The following IQSEC1 variants were observed in gnomAD, a reference collection of about 807,000 sequenced individuals.
IQSEC1 encodes IQ motif and Sec7 domain ArfGEF 1.
Under a neutral mutation model 91.0 loss-of-function variants are expected in IQSEC1, and 31 were observed. The ratio of observed to expected loss-of-function variants is 0.34; its 90% CI spans 0.26 to 0.46. IQSEC1 has a LOEUF of 0.46. IQSEC1 is among the 20% of genes least tolerant of loss of function. The pLI is 1.00. For synonymous variants in IQSEC1, 699 were observed against 662.6 expected, an observed-to-expected ratio of 1.05 and a Z score of -0.84; for missense variants, 1,388 against 1,575.6, an observed-to-expected ratio of 0.88 and a Z score of 2.02.
intron 1 of IQSEC1, among the ~76,000 whole-genome samples, chr3:13,183,057 G>A (rs148086787): frequency 0.046 from 7,015 of 151,956 alleles, 219 homozygotes; most frequent in East Asian, 0.07. Context: ...CCAGCTACTC[G>A]GGAGGCTGAG....
intron 2 of IQSEC1, among the ~76,000 whole-genome samples, chr3:13,100,647 G>A (rs1386491402): frequency 6.7e-6 from 1 of 148,842 alleles, no homozygotes; most frequent in Non-Finnish European, 1.5e-5. Context: ...CCAAAGCACT[G>A]GTAAATCCAG....
At position 12,921,961 on chromosome 3, in the gene IQSEC1, G is replaced by A. The variant is rs1025723073; in HGVS notation, c.1853+159C>T. On this transcript the variant is annotated intron_variant, in intron 5 of 13. Transcript: ENST00000613206. ...AGGAGCCCGTCACAGTGCCTGGAAC[G>A]TAGGAGGAGCCAGTACGATCACCCC... 7.9e-5 allele frequency among the ~76,000 whole-genome samples: 12 copies of A among 152,194 alleles called. No homozygotes were observed. The South Asian group carries it at 2.1e-3, about 26-fold the overall frequency.
intron 1 of IQSEC1, among the ~76,000 whole-genome samples, chr3:13,178,780 A>G (rs1186475544): frequency 6.6e-6 from 1 of 152,268 alleles, no homozygotes; most frequent in Non-Finnish European, 1.5e-5. Flanking sequence ...CCAAGAAGGC[A>G]TAAGACATCA....
intron 1 of IQSEC1, among the ~76,000 whole-genome samples, chr3:13,277,128 A>C (rs1188694413): frequency 2.7e-5 from 4 of 150,498 alleles, no homozygotes; most frequent in South Asian, 2.1e-4. Context: ...AAAAAAAAAA[A>C]AAAAAAAAAC....
intron 3 of IQSEC1, among the ~76,000 whole-genome samples, chr3:12,930,505 G>A (rs1037955074): frequency 6.6e-6 from 1 of 152,156 alleles, no homozygotes; most frequent in African/African-American, 2.4e-5. Context: ...TTCAGGGAGA[G>A]GCACAAGAGC....
At chr3:13,254,902 G>T (rs375028211) in intron 1 of IQSEC1, among the ~76,000 whole-genome samples, 14 of 152,296 alleles carry the variant, frequency 9.2e-5, no homozygotes, top group African/African-American at 3.4e-4. Context: ...GGGCCTCCAT[G>T]CGGTCTCTGT....
rs763805410 is a variant in IQSEC1 at position 12,899,476 on chromosome 3, C to T, written c.*1507G>A. 3.9e-5 allele frequency: 62 copies of T among 1,597,776 alleles called. No homozygotes were observed. Among genetic ancestry groups the T allele is most frequent in the East Asian group, 6.8e-5 (3 of 44,126 alleles). ...GTGGGTGACTCGGGCACAGACCTGC[C>T]GCGTGCAGGTCTGGCCCTGGGGAGC... On this transcript the variant is annotated 3_prime_UTR_variant, in exon 14 of 14. Transcript: ENST00000613206.
chr3:13,209,069 C>T (rs1416296685), intron 1 of IQSEC1, among the ~76,000 whole-genome samples: 2 of 152,214 alleles, frequency 1.3e-5, no homozygotes, highest in Admixed American at 6.5e-5. Flanking sequence ...GACTGCGGTG[C>T]CACTTGTCAT....
chr3:13,207,908 CAA>C lies in IQSEC1; in HGVS notation c.273-43777_273-43776del, dbSNP rs578057783. 3.3e-5 allele frequency among the ~76,000 whole-genome samples: 5 copies of C among 152,280 alleles called. No homozygotes were observed. In the East Asian group the frequency reaches 9.6e-4, roughly 29 times the overall value. On this transcript the variant is annotated intron_variant, in intron 1 of 15. Transcript: ENST00000648114. This position sits in a 1 kb window ranked among gnomAD's most constrained non-coding sequence, Gnocchi z 4.8. ...TCTCTCCTCACTGCAACATCAGCTC[CAA>C]GAGAGAGCACAGCTTTGTCACTACA...
In IQSEC1 at chr3:12,922,992, G is replaced by A. The variant is rs1279573508; in HGVS notation, c.1731-750C>T. Reference sequence around the variant, plus strand: ...GCAGAGAGAGGCCTGGCCACACAGGGCCTGACCCCTCTCCCAGGGCCATCT... The same window carrying A: ...GCAGAGAGAGGCCTGGCCACACAGGACCTGACCCCTCTCCCAGGGCCATCT... On this transcript the variant is annotated intron_variant, in intron 4 of 13. Coordinates refer to ENST00000613206, the MANE Select transcript of IQSEC1 (RefSeq NM_001134382.3). This position sits in a 1 kb window ranked among gnomAD's most constrained non-coding sequence, Gnocchi z 5.1. 2.0e-4 allele frequency among the ~76,000 whole-genome samples: 31 copies of A among 152,202 alleles called. No homozygotes were observed. Among genetic ancestry groups the A allele is most frequent in the Non-Finnish European group, 2.9e-5 (2 of 68,026 alleles).
At position 12,909,190 on chromosome 3, in the gene IQSEC1, C is replaced by A; in HGVS notation, c.2578+83G>T. On this transcript the variant is annotated intron_variant, in intron 11 of 13. Coordinates refer to ENST00000613206, the MANE Select transcript of IQSEC1 (RefSeq NM_001134382.3). This position sits in a 1 kb window ranked among gnomAD's most constrained non-coding sequence, Gnocchi z 4.9. ...GGGGGACATCTTGTCTCTGTGAGCT[C>A]AGAAGTCACTGCCCTGACATGGGGA... 7.0e-7 allele frequency: 1 copy of A among 1,432,486 alleles called. No homozygotes were observed. The highest frequency in any genetic ancestry group is 9.7e-7 in the Non-Finnish European group (1 of 1,032,796). 88.7% of individuals were successfully genotyped at this position (1,432,486 alleles called of 1,614,324 possible). A position where few individuals can be genotyped will look rare whatever the true frequency, so the allele number is the denominator to read the frequency against.
At chr3:13,246,319 G>A (rs1695107789) in intron 1 of IQSEC1, among the ~76,000 whole-genome samples, 1 of 152,176 alleles carries the variant, frequency 6.6e-6, no homozygotes, top group South Asian at 2.1e-4. Flanking sequence ...AAAGCCATAG[G>A]GACAGAAATG....
intron 2 of IQSEC1, among the ~76,000 whole-genome samples, chr3:13,136,451 A>T (rs762604290): frequency 6.6e-6 from 1 of 152,222 alleles, no homozygotes. Flanking sequence ...CTACAGTGAA[A>T]TGAGCATTCC....
At chr3:12,902,938 T>C (rs935293223) in intron 12 of IQSEC1, 116 bp from the exon 13 acceptor site, 10 of 801,002 alleles carry the variant, frequency 1.2e-5, no homozygotes, top group Admixed American at 3.9e-5. Flanking sequence ...CAGGCACAGG[T>C]GCCGGGCCCA....
At chr3:13,171,220 C>T (rs1287158040) in intron 1 of IQSEC1, among the ~76,000 whole-genome samples, 2 of 152,192 alleles carry the variant, frequency 1.3e-5, no homozygotes, top group East Asian at 1.9e-4. Flanking sequence ...CACCATCTCA[C>T]GTGATACAGG....
Position 12,900,680 on chromosome 3 carries a change from G to C in IQSEC1, c.*303C>G. 2.3e-6 allele frequency: 3 copies of C among 1,325,416 alleles called. No homozygotes were observed. The highest frequency in any genetic ancestry group is 3.2e-5 in the East Asian group (1 of 31,030). The allele number at this position is 1,325,416 out of a possible 1,614,324, so 82.1% of individuals were successfully genotyped here. A position where few individuals can be genotyped will look rare whatever the true frequency, so the allele number is the denominator to read the frequency against. ...GGCACAGGGAGCTGAGAGCTGGAGT[G>C]GGGGAGGCAGTTCAACACTACTTGG... On this transcript the variant is annotated 3_prime_UTR_variant, in exon 14 of 14. Coordinates refer to ENST00000613206, the MANE Select transcript of IQSEC1 (RefSeq NM_001134382.3).
intron 3 of IQSEC1, among the ~76,000 whole-genome samples, chr3:12,927,875 G>T (rs1294711684): frequency 6.6e-6 from 1 of 152,240 alleles, no homozygotes; most frequent in Non-Finnish European, 1.5e-5. Flanking sequence ...TGCTGAGGTG[G>T]GTGGGGAGAC....
intron 8 of IQSEC1, 40 bp from the exon 9 acceptor site, chr3:12,913,593 C>G (rs1265033492): frequency 5.7e-6 from 9 of 1,582,030 alleles, no homozygotes; most frequent in Non-Finnish European, 7.8e-6. Context: ...CCGCCCAGCT[C>G]TCCTCTAGGA....
chr3:13,007,659 T>A (rs920726592), intron 1 of IQSEC1, among the ~76,000 whole-genome samples: 1 of 152,354 alleles, frequency 6.6e-6, no homozygotes, highest in Admixed American at 6.5e-5. Context: ...TTAGAGCTTA[T>A]CACCCATTTC....
Sources: gnomAD v4.1 joint callset for allele counts (sites outside exome capture counted in the v4.1 genomes callset) on GRCh38, gnomAD v4.1.1 for gene constraint, Gnocchi (gnomAD v3.1) non-coding constraint, MANE v1.5 for transcripts, NCBI Gene and HGNC (gene_info 2026-07-23, HGNC 2026-07-21) for gene names.